Variants in NAALAD2 observed in about 807,000 individuals in gnomAD.
The protein encoded by NAALAD2 is N-acetylated alpha-linked acidic dipeptidase 2.
In NAALAD2, 89 loss-of-function variants were observed where a neutral mutation model predicts 95.6. That is an observed-to-expected ratio of 0.93 (90% CI 0.78 to 1.11). The LOEUF (loss-of-function observed/expected upper bound fraction) is 1.11, where lower values mean the gene tolerates loss of function less well. NAALAD2 is among the 50% of genes least tolerant of loss of function. NAALAD2 has a pLI of 0.00. For synonymous variants in NAALAD2, 264 were observed against 294.4 expected, an observed-to-expected ratio of 0.90 and a Z score of 1.06; for missense variants, 894 against 872.4, an observed-to-expected ratio of 1.02 and a Z score of -0.31.
At chr11:90,171,425 A>G (rs576500356) in intron 13 of NAALAD2, among the ~76,000 whole-genome samples, 2 of 152,348 alleles carry the variant, frequency 1.3e-5, no homozygotes, top group South Asian at 4.1e-4. Flanking sequence ...CTTTCATTGG[A>G]ATGTTCCATA....
At chr11:90,156,742 A>G (rs1451198382) in intron 6 of NAALAD2, among the ~76,000 whole-genome samples, 1 of 152,086 alleles carries the variant, frequency 6.6e-6, no homozygotes, top group Admixed American at 6.6e-5. Context: ...ATGTGACACC[A>G]TGCCCAGCTA....
chr11:90,172,402 C>A (rs572468108), intron 13 of NAALAD2, among the ~76,000 whole-genome samples: 2 of 152,200 alleles, frequency 1.3e-5, no homozygotes, highest in African/African-American at 4.8e-5. Flanking sequence ...CCACTGTTAC[C>A]TTCTACTTGA....
chr11:90,177,603 T>G (rs1333124760), intron 15 of NAALAD2, among the ~76,000 whole-genome samples: 1 of 85,362 alleles, frequency 1.2e-5, no homozygotes, highest in Admixed American at 1.2e-4. Context: ...TTTTTTTTTT[T>G]TTTTTTTTTT....
intron 18 of NAALAD2, among the ~76,000 whole-genome samples, chr11:90,185,770 C>A (rs548421357): frequency 9.9e-5 from 15 of 151,600 alleles, no homozygotes; most frequent in Admixed American, 2.0e-4. Context: ...AAAGTAATGG[C>A]ATTGTATGGA....
chr11:90,141,016 C>T (rs182372066), intron 2 of NAALAD2, among the ~76,000 whole-genome samples: 2 of 152,056 alleles, frequency 1.3e-5, no homozygotes, highest in Admixed American at 6.5e-5. Context: ...ATTGGTTGGG[C>T]GTATTTGTGT....
chr11:90,174,079 C>A (rs1952715590), intron 14 of NAALAD2, among the ~76,000 whole-genome samples, 164 bp downstream of exon 14: 1 of 152,162 alleles, frequency 6.6e-6, no homozygotes, highest in Admixed American at 6.6e-5. Flanking sequence ...CGCCTATAAT[C>A]CTAGCACTTT....
At chr11:90,145,248 T>A (rs1951722482) in intron 2 of NAALAD2, among the ~76,000 whole-genome samples, 1 of 152,162 alleles carries the variant, frequency 6.6e-6, no homozygotes, top group Admixed American at 6.5e-5. Context: ...CCTGGCGCTG[T>A]AATGCCCATC....
At chr11:90,178,758 T>C (rs1280264261) in intron 16 of NAALAD2, among the ~76,000 whole-genome samples, 1 of 152,194 alleles carries the variant, frequency 6.6e-6, no homozygotes, top group Admixed American at 6.5e-5. Flanking sequence ...ACAAATACTA[T>C]TACATACGTA....
chr11:90,147,219 T>C, intron 2 of NAALAD2, 111 bp from the exon 3 acceptor site: 2 of 830,900 alleles, frequency 2.4e-6, no homozygotes, highest in Non-Finnish European at 3.7e-6. Context: ...ATCTGTCATA[T>C]AGGAATGACA....
intron 18 of NAALAD2, among the ~76,000 whole-genome samples, chr11:90,189,255 C>G (rs4382864): frequency 0.16 from 24,098 of 151,592 alleles, 2,203 homozygotes; most frequent in East Asian, 0.27. Flanking sequence ...CCTGATCATA[C>G]CTTGATTTTA....
chr11:90,154,971 ATATTATATACGTATACATAATATG>A (rs1388273172), intron 6 of NAALAD2, among the ~76,000 whole-genome samples: 10 of 94,070 alleles, frequency 1.1e-4, no homozygotes, highest in South Asian at 6.6e-4. Context: ...TAATATGTAT[ATATTATATACGTATACATAATATG>A]TATGTGTGTA....
At chr11:90,169,064 G>A in intron 12 of NAALAD2, 72 bp downstream of exon 12, 1 of 1,052,620 alleles carries the variant, frequency 9.5e-7, no homozygotes, top group Non-Finnish European at 1.4e-6. Flanking sequence ...TTATTATTGA[G>A]TAGAATACCA....
In NAALAD2 at chr11:90,149,005, G is replaced by T; in HGVS notation, c.382-1G>T. 1 of 1,566,946 alleles carries T rather than the reference G, an allele frequency of 6.4e-7. No homozygotes were observed. Among genetic ancestry groups the T allele is most frequent in the Non-Finnish European group, 8.7e-7 (1 of 1,152,268 alleles). On this transcript the variant is annotated splice_acceptor_variant, in intron 3 of 18. Coordinates refer to ENST00000534061, the MANE Select transcript of NAALAD2 (RefSeq NM_005467.4). LOFTEE classifies it high-confidence loss of function. Reference sequence around the variant, plus strand: ...ACTTGACATATTTTAATTCTTGCTAGATTTTCAAAACATCATACCTTGAAC... The same window carrying T: ...ACTTGACATATTTTAATTCTTGCTATATTTTCAAAACATCATACCTTGAAC...
chr11:90,157,694 T>C (rs1565525697), intron 6 of NAALAD2, among the ~76,000 whole-genome samples: 1 of 151,410 alleles, frequency 6.6e-6, no homozygotes, highest in Non-Finnish European at 1.5e-5. Flanking sequence ...AATAAAGATG[T>C]ATTAGGTAAA....
At chr11:90,168,172 C>T (rs963285214) in intron 11 of NAALAD2, among the ~76,000 whole-genome samples, 8 of 152,196 alleles carry the variant, frequency 5.3e-5, no homozygotes, top group East Asian at 1.9e-4. Flanking sequence ...GAGTAACACT[C>T]ACCGTGAAGG....
chr11:90,141,017 G>T (rs781533052), intron 2 of NAALAD2, among the ~76,000 whole-genome samples: 1 of 152,028 alleles, frequency 6.6e-6, no homozygotes, highest in African/African-American at 2.4e-5. Flanking sequence ...TTGGTTGGGC[G>T]TATTTGTGTG....
chr11:90,176,012 T>C lies in NAALAD2; in HGVS notation c.1543T>C (p.Phe515Leu). 1 of 1,613,904 alleles carries C rather than the reference T, an allele frequency of 6.2e-7. No homozygotes were observed. Among genetic ancestry groups the C allele is most frequent in the South Asian group, 1.1e-5 (1 of 91,070 alleles). The change falls in exon 15 of 19, where the codon TTT (phenylalanine) becomes CTT (leucine). Residue 515 changes from phenylalanine (F) to leucine (L), a missense_variant. By Grantham distance (22) the Phe-to-Leu change is conservative (BLOSUM62 0). Transcript: ENST00000534061. ...ATCTGGAAGTGACTTTGAAGCTTAT[T>C]TTCAGAGACTTGGAATTGCTTCAGG... ...LGSGSDFEAY[F>L]QRLGIASGRA...
chr11:90,191,197 TTA>T (rs2135006268), intron 18 of NAALAD2, among the ~76,000 whole-genome samples: 1 of 152,258 alleles, frequency 6.6e-6, no homozygotes, highest in Non-Finnish European at 1.5e-5. Flanking sequence ...CAAAAATAAA[TTA>T]TCTTTCTCAA....
chr11:90,185,850 G>C (rs11604763), intron 18 of NAALAD2, among the ~76,000 whole-genome samples: 20,890 of 137,404 alleles, frequency 0.15, 1,715 homozygotes, highest in East Asian at 0.27. Context: ...AGGGTGAAAG[G>C]GTAAACACTT....
Sources: gnomAD v4.1 joint callset for allele counts (sites outside exome capture counted in the v4.1 genomes callset) on GRCh38, gnomAD v4.1.1 for gene constraint, MANE v1.5 for transcripts, NCBI Gene and HGNC (gene_info 2026-07-23, HGNC 2026-07-21) for gene names.